The following RYR3 variants were observed in gnomAD, a reference collection of about 807,000 sequenced individuals.
The protein encoded by RYR3 is ryanodine receptor 3, also known as brain ryanodine receptor-calcium release channel.
Under a neutral mutation model 584.3 loss-of-function variants are expected in RYR3, and 207 were observed. The ratio of observed to expected loss-of-function variants is 0.35; its 90% CI spans 0.32 to 0.40. RYR3 has a LOEUF of 0.40. Ranked by LOEUF, RYR3 falls within the 10% of genes least tolerant of loss-of-function variation. The pLI is 1.00. For synonymous variants in RYR3, 2,416 were observed against 2,248.5 expected, an observed-to-expected ratio of 1.07 and a Z score of -2.11; for missense variants, 5,616 against 6,089.2, an observed-to-expected ratio of 0.92 and a Z score of 2.59.
intron 2 of RYR3, among the ~76,000 whole-genome samples, chr15:33,489,306 C>A (rs2050765950): frequency 6.6e-6 from 1 of 152,102 alleles, no homozygotes; most frequent in Admixed American, 6.6e-5. Context: ...TTTCATCATC[C>A]AGGTATTAAG....
chr15:33,768,608 G>A (rs1480942050), intron 60 of RYR3, 50 bp from the exon 61 acceptor site: 7 of 1,546,648 alleles, frequency 4.5e-6, no homozygotes, highest in African/African-American at 1.4e-5. Context: ...TACAAAGCGT[G>A]AGTCCTTTAA....
At chr15:33,818,720 CCAGGGAT>C (rs757870232) in intron 76 of RYR3, 36 bp downstream of exon 76, 15 of 1,486,438 alleles carry the variant, frequency 1.0e-5, no homozygotes, top group Non-Finnish European at 1.3e-5. Flanking sequence ...CTCCCAGGCA[CCAGGGAT>C]ACTTGTGTCC....
chr15:33,464,729 C>G (rs2048352447), intron 1 of RYR3, among the ~76,000 whole-genome samples: 1 of 151,724 alleles, frequency 6.6e-6, no homozygotes, highest in Non-Finnish European at 1.5e-5. Context: ...ACATACTTAC[C>G]TTTGTGTGTG....
chr15:33,352,564 C>G (rs778910809), intron 1 of RYR3, among the ~76,000 whole-genome samples: 4 of 152,116 alleles, frequency 2.6e-5, no homozygotes, highest in Admixed American at 1.3e-4. Context: ...TCCTAGGAGA[C>G]TTGGTGCTTC....
chr15:33,528,815 T>C (rs188984757), intron 3 of RYR3, among the ~76,000 whole-genome samples: 3 of 152,314 alleles, frequency 2.0e-5, no homozygotes, highest in African/African-American at 7.2e-5. Flanking sequence ...GCAATGGTTC[T>C]CAAAACATGA....
At position 33,603,145 on chromosome 15, in the gene RYR3, G is replaced by A. The variant is rs368209451; in HGVS notation, c.1945G>A (p.Gly649Arg). Reference protein sequence around the residue: ...VTSIRPNIFLGVAEGSAQYKK... With the variant: ...VTSIRPNIFLRVAEGSAQYKK... ...CAGTATCCGGCCAAACATCTTCCTG[G>A]GAGTCGCGGAGGGCTCAGCCCAGTA... Residue 649 changes from glycine (G) to arginine (R), a missense_variant, in exon 18 of 104, where the codon GGA becomes AGA. By Grantham distance (125) the Gly-to-Arg change is moderately radical. Transcript: ENST00000634891. The A allele has an allele frequency of 1.2e-6, 2 of 1,613,692 alleles. No individual in the cohort carries two copies. Among genetic ancestry groups the A allele is most frequent in the Non-Finnish European group, 1.7e-6 (2 of 1,179,828 alleles).
At chr15:33,596,726 A>G (rs2059393800) in intron 16 of RYR3, among the ~76,000 whole-genome samples, 1 of 152,170 alleles carries the variant, frequency 6.6e-6, no homozygotes, top group Admixed American at 6.5e-5. Flanking sequence ...TAACTATTAG[A>G]TTGGTGCAAA....
At chr15:33,459,304 T>C (rs2047822869) in intron 1 of RYR3, among the ~76,000 whole-genome samples, 1 of 152,202 alleles carries the variant, frequency 6.6e-6, no homozygotes, top group Non-Finnish European at 1.5e-5. Flanking sequence ...ATGAGTTATA[T>C]CCCTTCCTCA....
chr15:33,319,945 A>G lies in RYR3; in HGVS notation c.51+8849A>G, dbSNP rs146445362. Among the ~76,000 whole-genome samples the G allele has an allele frequency of 3.9e-4, 60 of 152,266 alleles. 1 individual carries two copies. In the East Asian group the frequency reaches 0.011, roughly 27 times the overall value. On this transcript the variant is annotated intron_variant, in intron 1 of 103. Transcript: ENST00000634891. ...CAGATTGGAAAGTTCACAAATCTAA[A>G]CACTTTGGGGTCAAGCAGGTAGCTA...
At chr15:33,820,920 C>A in intron 78 of RYR3, 108 bp downstream of exon 78, 1 of 93,814 alleles carries the variant, frequency 1.1e-5, no homozygotes, top group Non-Finnish European at 1.5e-5. Context: ...TGCATTCAGC[C>A]AGAAATACTC....
At chr15:33,623,625 A>G (rs960055890) in intron 19 of RYR3, among the ~76,000 whole-genome samples, 182 bp from the exon 20 acceptor site, 1 of 152,212 alleles carries the variant, frequency 6.6e-6, no homozygotes, top group African/African-American at 2.4e-5. Flanking sequence ...CTTGATGCTC[A>G]CTTACCCCTC....
At chr15:33,430,648 T>A (rs1254228745) in intron 1 of RYR3, among the ~76,000 whole-genome samples, 2 of 152,168 alleles carry the variant, frequency 1.3e-5, no homozygotes, top group African/African-American at 4.8e-5. Flanking sequence ...TGAAAAACAA[T>A]GCGGGGACAT....
chr15:33,575,834 T>TAAAAA (rs1555535394), intron 12 of RYR3, among the ~76,000 whole-genome samples: 6 of 144,606 alleles, frequency 4.1e-5, no homozygotes, highest in African/African-American at 1.5e-4. Flanking sequence ...GAGCTGGTTT[T>TAAAAA]AAAAAAAAAA....
intron 52 of RYR3, 69 bp downstream of exon 52, chr15:33,742,513 T>G: frequency 1.0e-6 from 1 of 995,570 alleles, no homozygotes. Context: ...AAGGGCCCAG[T>G]CCTGGAAATC....
intron 1 of RYR3, among the ~76,000 whole-genome samples, chr15:33,459,905 A>G (rs965132624): frequency 1.3e-5 from 2 of 152,232 alleles, no homozygotes; most frequent in Non-Finnish European, 1.5e-5. Flanking sequence ...AAAGGAAAAA[A>G]GCAATATGAT....
At chr15:33,763,904 A>AAAAAAAAAAAAAAAAAAAC (rs1567121773) in intron 60 of RYR3, among the ~76,000 whole-genome samples, 23 of 130,642 alleles carry the variant, frequency 1.8e-4, no homozygotes, top group African/African-American at 7.5e-4. Context: ...AAAAAAAAAA[A>AAAAAAAAAAAAAAAAAAAC]AAAAAAAAAA....
chr15:33,475,734 C>T (rs556340163), intron 2 of RYR3, among the ~76,000 whole-genome samples: 9 of 152,296 alleles, frequency 5.9e-5, no homozygotes, highest in Admixed American at 2.0e-4. Context: ...CTTTTCTGAG[C>T]TGAGTTTTCT....
rs754370784 is a variant in RYR3, at chr15:33,706,991, G to T, written c.6556G>T (p.Gly2186Cys). The T allele has an allele frequency of 1.8e-5, 29 of 1,613,696 alleles. No individual in the cohort carries two copies. The highest frequency in any genetic ancestry group is 3.3e-5 in the Admixed American group (2 of 59,948). Residue 2186 changes from glycine (G) to cysteine (C), a missense_variant, in exon 43 of 104, where the codon GGC becomes TGC. Gly to Cys is a radical substitution (Grantham distance 159). Coordinates refer to ENST00000634891, the MANE Select transcript of RYR3 (RefSeq NM_001036.6). ...MLLAKGYPDV[G>C]WNPIEGERYL... The stretch of plus-strand genomic sequence containing the variant: ...TCTGGCCAAAGGATACCCTGATGTC[G>T]GCTGGAACCCCATTGAAGGGGAACG...
intron 7 of RYR3, among the ~76,000 whole-genome samples, chr15:33,541,451 G>A (rs1004117099): frequency 6.6e-6 from 1 of 152,050 alleles, no homozygotes; most frequent in South Asian, 2.1e-4. Flanking sequence ...TTATTTCATA[G>A]AATCAGGTAA....
Sources: allele counts gnomAD v4.1 joint callset (sites outside exome capture counted in the v4.1 genomes callset), GRCh38; gene constraint gnomAD v4.1.1; transcripts MANE v1.5; gene names NCBI Gene and HGNC (gene_info 2026-07-23, HGNC 2026-07-21).